DOCK1: variants seen among roughly 807,000 people sequenced by gnomAD.
DOCK1 encodes dedicator of cytokinesis 1.
DOCK1 carries 138 observed loss-of-function variants against 262.7 expected under a neutral mutation model. The observed-to-expected ratio is 0.53, with a 90% confidence interval of 0.46 to 0.61. The LOEUF (loss-of-function observed/expected upper bound fraction) is 0.61, where lower values mean the gene tolerates loss of function less well. Ranked by LOEUF, DOCK1 falls within the 20% of genes least tolerant of loss-of-function variation. DOCK1 has a pLI of 0.00. For synonymous variants in DOCK1, 866 were observed against 867.4 expected (o/e 1.00, Z 0.03); for missense variants, 1,908 against 2,370.7 (o/e 0.80, Z 4.05).
intron 35 of DOCK1, among the ~76,000 whole-genome samples, chr10:127,378,799 C>T (rs928161888): frequency 6.6e-6 from 1 of 152,170 alleles, no homozygotes; most frequent in East Asian, 1.9e-4. Flanking sequence ...CTCTTTGTTG[C>T]GACAGTGAGT....
chr10:127,436,884 C>T (rs1244279680), intron 48 of DOCK1, among the ~76,000 whole-genome samples: 1 of 151,912 alleles, frequency 6.6e-6, no homozygotes, highest in Non-Finnish European at 1.5e-5. Context: ...ATAAGGTTCC[C>T]ACCTTGTACC....
At chr10:127,134,570 C>A (rs906708580) in intron 27 of DOCK1, among the ~76,000 whole-genome samples, 1 of 152,152 alleles carries the variant, frequency 6.6e-6, no homozygotes, top group African/African-American at 2.4e-5. Context: ...GACTGGTGGG[C>A]ACCCTTCATT....
intron 1 of DOCK1, among the ~76,000 whole-genome samples, chr10:126,946,704 A>G (rs2035436104): frequency 6.6e-6 from 1 of 152,222 alleles, no homozygotes; most frequent in Non-Finnish European, 1.5e-5. Context: ...TTCGCAGAGC[A>G]CAGTATCTTC....
intron 44 of DOCK1, among the ~76,000 whole-genome samples, chr10:127,416,974 T>C (rs2068195218): frequency 6.6e-6 from 1 of 152,120 alleles, no homozygotes; most frequent in South Asian, 2.1e-4. Flanking sequence ...GCAAGGACAG[T>C]GACATCAGTG....
intron 27 of DOCK1, among the ~76,000 whole-genome samples, chr10:127,198,742 TTC>T (rs758066629): frequency 0.052 from 1,981 of 38,464 alleles, 9 homozygotes; most frequent in Non-Finnish European, 0.14. Context: ...TTGGCATCGC[TTC>T]TTTTTTTTTT....
At chr10:127,395,794 C>T (rs1238627856) in intron 38 of DOCK1, among the ~76,000 whole-genome samples, 2 of 152,080 alleles carry the variant, frequency 1.3e-5, no homozygotes, top group African/African-American at 4.8e-5. Flanking sequence ...TCCACAGTGT[C>T]AAAGACCCTT....
chr10:126,942,945 C>T (rs2035131875), intron 1 of DOCK1, among the ~76,000 whole-genome samples: 2 of 152,080 alleles, frequency 1.3e-5, no homozygotes, highest in Non-Finnish European at 2.9e-5. Context: ...TCTTGTTCAT[C>T]TAGAAATGAT....
At chr10:127,310,584 A>G (rs928399218) in intron 29 of DOCK1, among the ~76,000 whole-genome samples, 1 of 152,264 alleles carries the variant, frequency 6.6e-6, no homozygotes, top group Non-Finnish European at 1.5e-5. Flanking sequence ...GAAGCAGAGT[A>G]TGTAGAAACT....
intron 3 of DOCK1, 122 bp from the exon 4 acceptor site, chr10:126,981,796 G>C: frequency 1.1e-6 from 1 of 888,896 alleles, no homozygotes; most frequent in South Asian, 1.8e-5. Flanking sequence ...GATATGTTAA[G>C]ACTTAAAAAA....
chr10:126,942,127 C>CCATTCT (rs1220707202), intron 1 of DOCK1, among the ~76,000 whole-genome samples: 1 of 152,062 alleles, frequency 6.6e-6, no homozygotes, highest in East Asian at 2.0e-4. Context: ...CGGTTTCACA[C>CCATTCT]CATTCTCCTG....
chr10:127,176,288 C>G lies in DOCK1; in HGVS notation c.2847+48524C>G. ...GGGCTTTGTTCCGTTTTTTAATCTG[C>G]CGGTTGGGGTCCAGGGCGTATTTCA... On this transcript the variant is annotated intron_variant, in intron 27 of 51. Transcript: ENST00000623213. The surrounding 1 kb of genome is among the most constrained non-coding windows in gnomAD (Gnocchi z 4.4). The G allele has an allele frequency of 1.2e-6, 2 of 1,614,054 alleles. No homozygotes were observed. The highest frequency in any genetic ancestry group is 1.7e-6 in the Non-Finnish European group (2 of 1,180,028).
chr10:127,311,128 G>A lies in DOCK1; in HGVS notation c.3045-27878G>A, dbSNP rs186546964. Among the ~76,000 whole-genome samples the A allele has an allele frequency of 2.7e-3, 415 of 152,302 alleles. 5 individuals are homozygous for A. Among genetic ancestry groups the A allele is most frequent in the African/African-American group, 9.2e-3 (382 of 41,558 alleles). On this transcript the variant is annotated intron_variant, in intron 29 of 51. Transcript: ENST00000623213. ...GAATCGCCTGGGGCTCTTTTAAAAT[G>A]TAGATTCCAATCCAGAAGGTCTGGG...
chr10:127,105,936 G>T (rs2048503373), intron 23 of DOCK1, among the ~76,000 whole-genome samples: 1 of 151,798 alleles, frequency 6.6e-6, no homozygotes, highest in Non-Finnish European at 1.5e-5. Context: ...AATTTTTTTT[G>T]TATATTTTTG....
intron 27 of DOCK1, among the ~76,000 whole-genome samples, chr10:127,163,520 T>TTGAG (rs1389481843): frequency 2.6e-5 from 4 of 152,150 alleles, no homozygotes; most frequent in Admixed American, 1.3e-4. Flanking sequence ...TGAATAATGC[T>TTGAG]TGAGTGAATG....
chr10:127,387,113 A>G (rs182651520), intron 38 of DOCK1, among the ~76,000 whole-genome samples: 93 of 152,292 alleles, frequency 6.1e-4, no homozygotes, highest in African/African-American at 2.0e-3. Flanking sequence ...GACTGAAGGA[A>G]TGTGCGCATT....
In DOCK1 at chr10:127,271,188, A is replaced by C. The variant is rs528366163; in HGVS notation, c.3044+13759A>C. Among the ~76,000 whole-genome samples the C allele has an allele frequency of 7.1e-4, 108 of 152,222 alleles. 1 individual carries two copies. Among genetic ancestry groups the C allele is most frequent in the African/African-American group, 2.5e-3 (103 of 41,534 alleles). On this transcript the variant is annotated intron_variant, in intron 29 of 51. Transcript: ENST00000623213. ...GACATTTAAAATGTCTTTTGAAGACACTTGCAGAAAGAACCTGAATGGACT... is the reference window on the plus strand; with the variant it reads ...GACATTTAAAATGTCTTTTGAAGACCCTTGCAGAAAGAACCTGAATGGACT...
chr10:127,192,597 T>A (rs1352538242), intron 27 of DOCK1: 3 of 152,246 alleles, frequency 2.0e-5, no homozygotes, highest in Non-Finnish European at 2.9e-5. Flanking sequence ...GAATATCCTG[T>A]GACTTACAGT....
At chr10:127,199,165 G>C (rs952708811) in intron 27 of DOCK1, among the ~76,000 whole-genome samples, 1 of 152,142 alleles carries the variant, frequency 6.6e-6, no homozygotes, top group Admixed American at 6.6e-5. Flanking sequence ...TTGCAAAGGA[G>C]AAAATAGCTA....
intron 1 of DOCK1, among the ~76,000 whole-genome samples, chr10:126,937,190 ATAT>A (rs2034610538): frequency 6.6e-6 from 1 of 152,192 alleles, no homozygotes; most frequent in African/African-American, 2.4e-5. Context: ...AGGCTGAATA[ATAT>A]TCCATTGTTT....
Sources: gnomAD v4.1 joint callset for allele counts (sites outside exome capture counted in the v4.1 genomes callset) on GRCh38, gnomAD v4.1.1 for gene constraint, Gnocchi (gnomAD v3.1) non-coding constraint, MANE v1.5 for transcripts, NCBI Gene and HGNC (gene_info 2026-07-23, HGNC 2026-07-21) for gene names.